TRAPPC10: variants seen among roughly 807,000 people sequenced by gnomAD.
TRAPPC10 encodes trafficking protein particle complex subunit 10.
In TRAPPC10, 23 loss-of-function variants were observed where a neutral mutation model predicts 125.5. The observed-to-expected ratio is 0.18, with a 90% CI of 0.13 to 0.26. The LOEUF (loss-of-function observed/expected upper bound fraction) is 0.26, where lower values mean the gene tolerates loss of function less well. Among genes scored for constraint, TRAPPC10 ranks in the 10% least tolerant of loss-of-function variants. TRAPPC10 has a pLI of 1.00. For missense variants in TRAPPC10, 1,123 were observed against 1,308.4 expected, an observed-to-expected ratio of 0.86 and a Z score of 2.19; for synonymous variants, 509 against 518.0, an observed-to-expected ratio of 0.98 and a Z score of 0.24.
chr21:44,046,974 C>T (rs184571352), intron 3 of TRAPPC10: 3 of 831,944 alleles, frequency 3.6e-6, no homozygotes, highest in Non-Finnish European at 6.1e-6. Flanking sequence ...TGCAAGCCGG[C>T]TCTGCGAGCG....
chr21:44,061,596 A>T lies in TRAPPC10; in HGVS notation c.791-1942A>T, dbSNP rs545851056. ...TTTTTTAAATATCTTACATTTTTTT[A>T]AAAAATAGATTTATTTAGCAAAAAA... is the stretch of plus-strand genomic sequence containing the variant. On this transcript the variant is annotated intron_variant, in intron 6 of 22. Transcript: ENST00000291574. Among the ~76,000 whole-genome samples, 360 of 152,278 alleles carry T rather than the reference A, an allele frequency of 2.4e-3. 1 individual carries two copies. The highest frequency in any genetic ancestry group is 8.4e-3 in the African/African-American group (347 of 41,552).
At chr21:44,032,246 A>T in intron 2 of TRAPPC10, 74 bp downstream of exon 2, 1 of 1,259,770 alleles carries the variant, frequency 7.9e-7, no homozygotes, top group Non-Finnish European at 1.1e-6. Context: ...TTAAATAAGT[A>T]TATGTTGTTT....
chr21:44,032,321 A>G, intron 2 of TRAPPC10, 149 bp downstream of exon 2: 1 of 553,276 alleles, frequency 1.8e-6, no homozygotes, highest in Non-Finnish European at 3.1e-6. Flanking sequence ...AAACAGAATG[A>G]CCTCACATAA....
chr21:44,064,249 G>A (rs1226829941), intron 7 of TRAPPC10, among the ~76,000 whole-genome samples: 1 of 152,190 alleles, frequency 6.6e-6, no homozygotes, highest in South Asian at 2.1e-4. Context: ...ACACACAGCA[G>A]GCTGTGCCCC....
intron 3 of TRAPPC10, among the ~76,000 whole-genome samples, chr21:44,050,806 G>A (rs1267363827): frequency 6.6e-6 from 1 of 152,248 alleles, no homozygotes; most frequent in Non-Finnish European, 1.5e-5. Context: ...TCAGGACATA[G>A]CAGTTTTTAA....
chr21:44,035,524 T>G (rs1336685482), intron 2 of TRAPPC10, among the ~76,000 whole-genome samples: 1 of 152,166 alleles, frequency 6.6e-6, no homozygotes, highest in African/African-American at 2.4e-5. Flanking sequence ...GCACAGTGGC[T>G]CACACTTGTA....
intron 12 of TRAPPC10, 139 bp from the exon 13 acceptor site, chr21:44,079,876 A>C: frequency 9.3e-7 from 1 of 1,073,324 alleles, no homozygotes; most frequent in Non-Finnish European, 1.3e-6. Context: ...TTATAATCTA[A>C]TTTTGAGCCC....
intron 3 of TRAPPC10, among the ~76,000 whole-genome samples, chr21:44,039,398 C>T (rs970335340): frequency 6.6e-6 from 1 of 152,212 alleles, no homozygotes; most frequent in Non-Finnish European, 1.5e-5. Context: ...ACTTTCTAAT[C>T]ATTTGAGGCA....
At chr21:44,079,502 G>A in intron 11 of TRAPPC10, 62 bp from the exon 12 acceptor site, 2 of 1,539,872 alleles carry the variant, frequency 1.3e-6, no homozygotes, top group Admixed American at 4.7e-5. Flanking sequence ...GGGAGAGATG[G>A]GGTTTCAGTG....
chr21:44,042,484 G>A (rs927385722), intron 3 of TRAPPC10, among the ~76,000 whole-genome samples: 1 of 152,116 alleles, frequency 6.6e-6, no homozygotes, highest in Non-Finnish European at 1.5e-5. Flanking sequence ...TGTTCAGAAA[G>A]TGTTTATATT....
At chr21:44,073,074 A>G (rs2037003513) in intron 7 of TRAPPC10, among the ~76,000 whole-genome samples, 1 of 152,200 alleles carries the variant, frequency 6.6e-6, no homozygotes, top group African/African-American at 2.4e-5. Flanking sequence ...AGAGTTGTGC[A>G]GCTTTATGAA....
At chr21:44,057,542 C>T (rs1276864215) in intron 5 of TRAPPC10, among the ~76,000 whole-genome samples, 1 of 152,092 alleles carries the variant, frequency 6.6e-6, no homozygotes, top group Admixed American at 6.5e-5. Flanking sequence ...AAGTGATCCT[C>T]GCAAAGTGCT....
intron 18 of TRAPPC10, among the ~76,000 whole-genome samples, chr21:44,091,259 C>T (rs2038557132): frequency 6.6e-6 from 1 of 152,170 alleles, no homozygotes; most frequent in Non-Finnish European, 1.5e-5. Flanking sequence ...TAAGCCCCGC[C>T]TATCATCTCT....
rs2037301456 is a variant in TRAPPC10, at chr21:44,076,595, A to G, written c.1344A>G (p.Leu448=). 2 of 1,614,160 alleles carry G rather than the reference A, an allele frequency of 1.2e-6. No homozygotes were observed. Among genetic ancestry groups the G allele is most frequent in the South Asian group, 1.1e-5 (1 of 91,084 alleles). Residue 448 remains leucine (L), a synonymous_variant, in exon 10 of 23, where the codon TTA becomes TTG. Transcript: ENST00000291574. ...CTTATAAGAAACTGAAAGAAGCATT[A>G]TCGTCAGTGGAAGCTTTTGAAAAAC... ...QSPYKKLKEA[L]SSVEAFEKHY...
intron 15 of TRAPPC10, among the ~76,000 whole-genome samples, chr21:44,085,757 C>G (rs961617422): frequency 6.6e-6 from 1 of 152,052 alleles, no homozygotes; most frequent in African/African-American, 2.4e-5. Flanking sequence ...ACTTGTCCGT[C>G]TGGCATGGCA....
At chr21:44,089,958 C>T (rs375190318) in intron 18 of TRAPPC10, 25 bp downstream of exon 18, 3 of 1,577,996 alleles carry the variant, frequency 1.9e-6, no homozygotes, top group Non-Finnish European at 2.6e-6. Flanking sequence ...GCGTGCGGGC[C>T]CTGGCTTCTT....
chr21:44,017,295 T>A (rs923990753), intron 1 of TRAPPC10, among the ~76,000 whole-genome samples: 3 of 152,210 alleles, frequency 2.0e-5, no homozygotes, highest in African/African-American at 7.2e-5. Context: ...CTTGTACGCA[T>A]GACCTCGGTT....
intron 10 of TRAPPC10, 142 bp downstream of exon 10, chr21:44,076,770 G>T (rs1427337275): frequency 1.8e-5 from 11 of 623,702 alleles, no homozygotes; most frequent in Middle Eastern, 2.5e-4. Context: ...GGTACCTGGG[G>T]AGTTGTGGAC....
Position 44,087,964 on chromosome 21 carries a change from G to T in TRAPPC10, c.2769+36G>T, listed in dbSNP as rs2038259589. ...ACAGTGGAGGAGCTTAGCTTGTGGG[G>T]CGTCCGCCGCCCGCCTGCCTGCTGG... is the stretch of plus-strand genomic sequence containing the variant. On this transcript the variant is annotated intron_variant, in intron 17 of 22. Transcript: ENST00000291574. This position sits in a 1 kb window ranked among gnomAD's most constrained non-coding sequence, Gnocchi z 4.6. The T allele has an allele frequency of 1.3e-6, 2 of 1,553,164 alleles. No homozygotes were observed. Among genetic ancestry groups the T allele is most frequent in the African/African-American group, 1.4e-5 (1 of 73,226 alleles).
Sources: gnomAD v4.1 joint callset for allele counts (sites outside exome capture counted in the v4.1 genomes callset) on GRCh38, gnomAD v4.1.1 for gene constraint, Gnocchi (gnomAD v3.1) non-coding constraint, MANE v1.5 for transcripts, NCBI Gene and HGNC (gene_info 2026-07-23, HGNC 2026-07-21) for gene names.